SCAPER: variants seen among roughly 807,000 people sequenced by gnomAD.
SCAPER encodes the protein S phase cyclin A-associated protein in the endoplasmic reticulum.
A neutral mutation model predicts 182.2 loss-of-function variants in SCAPER; 98 were observed. The ratio of observed to expected loss-of-function variants is 0.54; its 90% confidence interval spans 0.46 to 0.64. The LOEUF (loss-of-function observed/expected upper bound fraction) is 0.64, where lower values mean the gene tolerates loss of function less well. SCAPER is among the 30% of genes least tolerant of loss of function. The probability of loss-of-function intolerance (pLI) is 0.00; values close to 1 mark genes in which losing one functional copy is unlikely to be tolerated. For missense variants in SCAPER, 1,432 were observed against 1,690.0 expected (o/e 0.85, Z 2.68); for synonymous variants, 605 against 564.6 (o/e 1.07, Z -1.01).
intron 24 of SCAPER, among the ~76,000 whole-genome samples, chr15:76,497,181 G>A (rs1043005191): frequency 7.2e-6 from 1 of 139,590 alleles, no homozygotes; most frequent in Non-Finnish European, 1.5e-5. Flanking sequence ...TCCTGTAATG[G>A]CCATCCCAGA....
At chr15:76,533,106 C>T (rs542998046) in intron 23 of SCAPER, among the ~76,000 whole-genome samples, 60 of 152,188 alleles carry the variant, frequency 3.9e-4, no homozygotes, top group African/African-American at 1.3e-3. Flanking sequence ...AAACAGTAAA[C>T]TGGGAAAAGA....
intron 3 of SCAPER, among the ~76,000 whole-genome samples, chr15:76,860,069 C>A (rs1043021986): frequency 6.6e-6 from 1 of 152,098 alleles, no homozygotes; most frequent in African/African-American, 2.4e-5. Context: ...TAAAATTGTA[C>A]TGGCCAATTA....
intron 1 of SCAPER, among the ~76,000 whole-genome samples, chr15:76,902,993 G>A (rs2074878028): frequency 6.6e-6 from 1 of 151,394 alleles, no homozygotes; most frequent in Non-Finnish European, 1.5e-5. Flanking sequence ...CTTGGGAGGT[G>A]GAGTTTGCAG....
intron 8 of SCAPER, chr15:76,793,363 C>T (rs2065121146): frequency 1.5e-6 from 1 of 676,384 alleles, no homozygotes; most frequent in South Asian, 1.7e-5. Context: ...CTGGCAGCCC[C>T]TAGGTGGCTT....
chr15:76,441,853 C>T lies in SCAPER; in HGVS notation c.3079-7543G>A, dbSNP rs908304714. 3.9e-4 allele frequency among the ~76,000 whole-genome samples: 59 copies of T among 152,096 alleles called. 1 individual carries two copies. Among genetic ancestry groups the T allele is most frequent in the African/African-American group, 1.3e-3 (52 of 41,406 alleles). On this transcript the variant is annotated intron_variant, in intron 25 of 31. Coordinates refer to ENST00000563290, the MANE Select transcript of SCAPER (RefSeq NM_020843.4). ...TCTCAGAATATAAGCTCCACGAGAG[C>T]GAGACTTTGTCTTGATCACTGCTAC...
intron 5 of SCAPER, among the ~76,000 whole-genome samples, chr15:76,813,008 A>ATTTGTGTG (rs77759308): frequency 0.33 from 49,865 of 151,476 alleles, 8,483 homozygotes; most frequent in East Asian, 0.55. Context: ...ATATACACAC[A>ATTTGTGTG]AAAATGCTCA....
chr15:76,620,264 A>G (rs2051903291), intron 22 of SCAPER, among the ~76,000 whole-genome samples: 1 of 152,168 alleles, frequency 6.6e-6, no homozygotes, highest in African/African-American at 2.4e-5. Context: ...TTAACCTCAT[A>G]GAATTATTGT....
At chr15:76,819,126 G>A (rs970749879) in intron 5 of SCAPER, among the ~76,000 whole-genome samples, 6 of 152,210 alleles carry the variant, frequency 3.9e-5, no homozygotes, top group African/African-American at 4.8e-5. Flanking sequence ...TGCTCAAGGA[G>A]GCCTGCCTGC....
At chr15:76,417,392 A>C (rs1310671733) in intron 26 of SCAPER, among the ~76,000 whole-genome samples, 1 of 152,238 alleles carries the variant, frequency 6.6e-6, no homozygotes, top group African/African-American at 2.4e-5. Flanking sequence ...GAAGTAAAGA[A>C]ATAGCAATGG....
At chr15:76,571,915 T>C (rs1488256878) in intron 23 of SCAPER, among the ~76,000 whole-genome samples, 1 of 152,158 alleles carries the variant, frequency 6.6e-6, no homozygotes, top group African/African-American at 2.4e-5. Context: ...AAAGTGAGTG[T>C]GTGTCTTGGC....
At chr15:76,532,104 C>T (rs1269058726) in intron 23 of SCAPER, among the ~76,000 whole-genome samples, 1 of 152,030 alleles carries the variant, frequency 6.6e-6, no homozygotes, top group Non-Finnish European at 1.5e-5. Flanking sequence ...CGCTTACTGG[C>T]CCATGGAAGA....
At chr15:76,584,104 T>C (rs2145556638) in intron 22 of SCAPER, among the ~76,000 whole-genome samples, 1 of 152,334 alleles carries the variant, frequency 6.6e-6, no homozygotes, top group South Asian at 2.1e-4. Flanking sequence ...GAATGAGATC[T>C]TGTCATTTGC....
intron 2 of SCAPER, among the ~76,000 whole-genome samples, chr15:76,879,413 A>G (rs550624447): frequency 3.5e-4 from 53 of 152,318 alleles, no homozygotes; most frequent in Non-Finnish European, 6.5e-4. Flanking sequence ...CAACTGATCC[A>G]GAGGTGAGCA....
chr15:76,500,045 A>G (rs151014925), intron 24 of SCAPER, among the ~76,000 whole-genome samples: 2 of 152,344 alleles, frequency 1.3e-5, no homozygotes, highest in East Asian at 1.9e-4. Context: ...TTTAATCCTC[A>G]TAACAGTTCT....
chr15:76,527,120 C>T (rs997580128), intron 23 of SCAPER, among the ~76,000 whole-genome samples: 1 of 152,200 alleles, frequency 6.6e-6, no homozygotes, highest in Non-Finnish European at 1.5e-5. Context: ...AGATGATCCA[C>T]CTGCCTCGGC....
At chr15:76,645,607 A>G (rs1597896535) in intron 21 of SCAPER, among the ~76,000 whole-genome samples, 1 of 151,814 alleles carries the variant, frequency 6.6e-6, no homozygotes, top group East Asian at 1.9e-4. Context: ...TGCCCCAGTC[A>G]TACCTAAGTT....
chr15:76,491,388 T>C (rs775378623), intron 24 of SCAPER, among the ~76,000 whole-genome samples: 14 of 152,228 alleles, frequency 9.2e-5, no homozygotes, highest in Non-Finnish European at 1.8e-4. Flanking sequence ...TAAACATTCA[T>C]TTATAGTTAT....
intron 26 of SCAPER, among the ~76,000 whole-genome samples, chr15:76,421,956 G>C (rs923648652): frequency 2.0e-5 from 3 of 152,072 alleles, no homozygotes; most frequent in African/African-American, 7.2e-5. Flanking sequence ...ATTTCTGAGG[G>C]CTCTGTTCTG....
chr15:76,691,185 CA>C (rs1439401215), intron 20 of SCAPER, among the ~76,000 whole-genome samples: 4 of 151,872 alleles, frequency 2.6e-5, no homozygotes, highest in Non-Finnish European at 5.9e-5. Context: ...TGGACAGACA[CA>C]AAATCAATAC....
Sources: gnomAD v4.1 joint callset for allele counts (sites outside exome capture counted in the v4.1 genomes callset) on GRCh38, gnomAD v4.1.1 for gene constraint, MANE v1.5 for transcripts, NCBI Gene and HGNC (gene_info 2026-07-23, HGNC 2026-07-21) for gene names.